Variants in CFAP45 observed in about 807,000 individuals in gnomAD.
CFAP45 encodes the protein cilia- and flagella-associated protein 45.
CFAP45 carries 43 observed loss-of-function variants against 75.6 expected under a neutral mutation model. That is an observed-to-expected ratio of 0.57 (90% confidence interval 0.45 to 0.73). The LOEUF is 0.73. Ranked by LOEUF, CFAP45 falls within the 30% of genes least tolerant of loss-of-function variation. The pLI, the probability that CFAP45 is intolerant of heterozygous loss-of-function variation, is 0.00. For synonymous variants in CFAP45, 223 were observed against 244.6 expected (o/e 0.91, Z 0.82); for missense variants, 689 against 701.5 (o/e 0.98, Z 0.20).
Position 159,886,646 on chromosome 1 carries a change from A to G in CFAP45, c.632T>C (p.Ile211Thr). Reference protein sequence around the residue: ...AKCHAIRDAQILEKQQIQKEL... With the variant: ...AKCHAIRDAQTLEKQQIQKEL... ...TTTTTGGATCTGCTGCTTCTCCAGG[A>G]TTTGGGCATCCCGGATGGCATGGCA... The change falls in exon 6 of 12, where the codon ATC becomes ACC. Residue 211 changes from isoleucine (I) to threonine (T), a missense_variant. Transcript: ENST00000368099. The G allele has an allele frequency of 1.2e-6, 2 of 1,613,892 alleles. No individual in the cohort carries two copies. The highest frequency in any genetic ancestry group is 1.7e-6 in the Non-Finnish European group (2 of 1,179,984).
At chr1:159,889,128 G>A (rs1649765487) in intron 3 of CFAP45, among the ~76,000 whole-genome samples, 1 of 152,160 alleles carries the variant, frequency 6.6e-6, no homozygotes, top group Admixed American at 6.5e-5. Flanking sequence ...GCTTTGAACT[G>A]TAAATATTAA....
At chr1:159,893,132 C>CCT (rs1557916297) in intron 2 of CFAP45, 48 bp downstream of exon 2, 1 of 1,607,168 alleles carries the variant, frequency 6.2e-7, no homozygotes, top group Admixed American at 1.7e-5. Flanking sequence ...CATTTTTGGG[C>CCT]CTCTGCCTGC....
chr1:159,884,615 C>T (rs1649632167), intron 6 of CFAP45, 50 bp from the exon 7 acceptor site: 2 of 1,577,460 alleles, frequency 1.3e-6, no homozygotes, highest in Non-Finnish European at 1.7e-6. Flanking sequence ...GTCCACATCT[C>T]CCAGAGTCCA....
chr1:159,888,517 G>A (rs1249591662), intron 3 of CFAP45, 21 bp from the exon 4 acceptor site: 2 of 1,611,278 alleles, frequency 1.2e-6, no homozygotes, highest in Admixed American at 1.7e-5. Flanking sequence ...AATAAACAGA[G>A]TTAGGGAGGG....
At position 159,875,383 on chromosome 1, in the gene CFAP45, A is replaced by G. The variant is rs191676013; in HGVS notation, c.1352+1173T>C. 1.9e-3 allele frequency among the ~76,000 whole-genome samples: 284 copies of G among 152,240 alleles called. 3 individuals carry two copies. The highest frequency in any genetic ancestry group is 5.9e-3 in the African/African-American group (246 of 41,518). ...CTAGGTGTCCAGTGACCATGGCACA[A>G]CCCTGGGGGCAGAGAAAATTACAGA... On this transcript the variant is annotated intron_variant, in intron 10 of 11. Coordinates refer to ENST00000368099, the MANE Select transcript of CFAP45 (RefSeq NM_012337.3).
At chr1:159,893,036 C>G (rs976583904) in intron 2 of CFAP45, 144 bp downstream of exon 2, 3 of 848,130 alleles carry the variant, frequency 3.5e-6, no homozygotes, top group Non-Finnish European at 5.5e-6. Context: ...AGCTCTGCAG[C>G]TCAGGTCTCA....
At chr1:159,888,551 C>A in intron 3 of CFAP45, 55 bp from the exon 4 acceptor site, 2 of 1,538,426 alleles carry the variant, frequency 1.3e-6, no homozygotes, top group South Asian at 1.1e-5. Flanking sequence ...CTCAGCACCA[C>A]ACTTCAGGCT....
At chr1:159,883,356 G>T (rs552911290) in intron 7 of CFAP45, among the ~76,000 whole-genome samples, 1 of 152,116 alleles carries the variant, frequency 6.6e-6, no homozygotes, top group African/African-American at 2.4e-5. Flanking sequence ...GAGACTCAAC[G>T]GAATGCAATG....
chr1:159,883,199 C>T (rs1442093337), intron 7 of CFAP45, among the ~76,000 whole-genome samples: 1 of 152,090 alleles, frequency 6.6e-6, no homozygotes, highest in Non-Finnish European at 1.5e-5. Context: ...CATGAGGAGG[C>T]AATCATACAA....
Position 159,876,546 on chromosome 1 carries a change from C to T in CFAP45, c.1352+10G>A. ...AGGAAAGGAATCCAAGGTTCCCAGGCCCCTCCTACCGAAGAATCCTCTCGA... is the reference window on the plus strand; with the variant it reads ...AGGAAAGGAATCCAAGGTTCCCAGGTCCCTCCTACCGAAGAATCCTCTCGA... On this transcript the variant is annotated intron_variant, in intron 10 of 11. Coordinates refer to ENST00000368099, the MANE Select transcript of CFAP45 (RefSeq NM_012337.3). 6.3e-7 allele frequency: 1 copy of T among 1,593,234 alleles called. No homozygotes were observed. Among genetic ancestry groups the T allele is most frequent in the East Asian group, 2.2e-5 (1 of 44,740 alleles).
At chr1:159,886,404 A>G (rs1057435488) in intron 6 of CFAP45, 107 bp downstream of exon 6, 3 of 958,938 alleles carry the variant, frequency 3.1e-6, no homozygotes, top group Non-Finnish European at 4.9e-6. Flanking sequence ...TAATAAGTAG[A>G]TGACAATAAT....
chr1:159,898,202 C>T (rs1363696315), intron 1 of CFAP45: 5 of 985,208 alleles, frequency 5.1e-6, no homozygotes, highest in Non-Finnish European at 6.0e-6. Context: ...GCACGAGACC[C>T]CTTGCCTTTT....
chr1:159,890,495 A>G lies in CFAP45; in HGVS notation c.257T>C (p.Met86Thr). 1 of 1,614,168 alleles carries G rather than the reference A, an allele frequency of 6.2e-7. No homozygotes were observed. Among genetic ancestry groups the G allele is most frequent in the Non-Finnish European group, 8.5e-7 (1 of 1,180,008 alleles). The stretch of plus-strand genomic sequence containing the variant: ...GTGTACTCACATGAGTTCTCGGACC[A>G]TGTCCCGGGTGATGAGCTGGATGGT... The part of the protein sequence containing the change: ...PETIQLITRD[M>T]VRELIVPTED... Residue 86 changes from methionine to threonine, a missense_variant, in exon 3 of 12, where the codon ATG (methionine) becomes ACG (threonine). By Grantham distance (81) the Met-to-Thr change is moderately conservative (BLOSUM62 -1). Coordinates refer to ENST00000368099, the MANE Select transcript of CFAP45 (RefSeq NM_012337.3).
chr1:159,876,273 TTTTACC>T, intron 10 of CFAP45: 1 of 478,992 alleles, frequency 2.1e-6, no homozygotes, highest in Non-Finnish European at 3.8e-6. Flanking sequence ...TGGACCAGAA[TTTTACC>T]TTTATTTATA....
Position 159,872,471 on chromosome 1 carries a change from C to T in CFAP45, c.*14G>A, listed in dbSNP as rs1649302176. The T allele has an allele frequency of 6.8e-6, 11 of 1,610,392 alleles. No individual in the cohort carries two copies. Among genetic ancestry groups the T allele is most frequent in the Non-Finnish European group, 9.3e-6 (11 of 1,176,566 alleles). On this transcript the variant is annotated 3_prime_UTR_variant, in exon 12 of 12. Coordinates refer to ENST00000368099, the MANE Select transcript of CFAP45 (RefSeq NM_012337.3). The stretch of plus-strand genomic sequence containing the variant: ...TGTCCCCCGAAGGCATCCTGAGGGC[C>T]ACGAAGGCTCCCCTCAGTTCACAGA...
At chr1:159,880,049 T>G (rs1649513580) in intron 8 of CFAP45, among the ~76,000 whole-genome samples, 1 of 152,226 alleles carries the variant, frequency 6.6e-6, no homozygotes, top group Non-Finnish European at 1.5e-5. Context: ...TGCAACTGTC[T>G]GCAGGTATGG....
At chr1:159,889,385 C>G (rs1437427001) in intron 3 of CFAP45, among the ~76,000 whole-genome samples, 1 of 152,082 alleles carries the variant, frequency 6.6e-6, no homozygotes, top group East Asian at 1.9e-4. Context: ...GAAACCTCAT[C>G]TAATAAAACT....
chr1:159,890,436 A>G (rs777987972), intron 3 of CFAP45, 44 bp downstream of exon 3: 15 of 1,598,796 alleles, frequency 9.4e-6, no homozygotes, highest in Middle Eastern at 3.5e-4. Context: ...CCTTAGCAAA[A>G]GGATGAGGAC....
chr1:159,888,342 G>A lies in CFAP45; in HGVS notation c.417+10C>T. 1 of 1,613,800 alleles carries A rather than the reference G, an allele frequency of 6.2e-7. No homozygotes were observed. The highest frequency in any genetic ancestry group is 1.1e-5 in the South Asian group (1 of 91,052). On this transcript the variant is annotated intron_variant, in intron 4 of 11. Transcript: ENST00000368099. ...ATCTGCAGAGGTGAAGGCTTAGGGA[G>A]GTTAACTACCATGGTGGCTTCCTTC...
Sources: gnomAD v4.1 joint callset for allele counts (sites outside exome capture counted in the v4.1 genomes callset) on GRCh38, gnomAD v4.1.1 for gene constraint, MANE v1.5 for transcripts, NCBI Gene and HGNC (gene_info 2026-07-23, HGNC 2026-07-21) for gene names.